STK39: variants seen among roughly 807,000 people sequenced by gnomAD.
The protein encoded by STK39 is STE20/SPS1-related proline-alanine-rich protein kinase.
Under a neutral mutation model 77.8 loss-of-function variants are expected in STK39, and 20 were observed. The observed-to-expected ratio is 0.26, with a 90% CI of 0.18 to 0.37. The LOEUF is 0.37. Ranked by LOEUF, STK39 falls within the 10% of genes least tolerant of loss-of-function variation. STK39 has a pLI of 1.00. For synonymous variants in STK39, 246 were observed against 234.1 expected (o/e 1.05, Z -0.47); for missense variants, 479 against 656.5 (o/e 0.73, Z 2.95).
At chr2:167,960,288 G>A (rs143884401) in intron 17 of STK39, among the ~76,000 whole-genome samples, 31 of 151,912 alleles carry the variant, frequency 2.0e-4, no homozygotes, top group Middle Eastern at 6.8e-3. Flanking sequence ...ATGAACCCTC[G>A]TCCCAGCCCC....
intron 14 of STK39, among the ~76,000 whole-genome samples, chr2:168,033,329 C>T (rs944443410): frequency 6.6e-6 from 1 of 152,112 alleles, no homozygotes; most frequent in Non-Finnish European, 1.5e-5. Context: ...GAGGAAATAT[C>T]GCATTAGGAC....
intron 1 of STK39, among the ~76,000 whole-genome samples, chr2:168,184,528 AACCC>A (rs67284354): frequency 0.44 from 66,099 of 151,658 alleles, 16,579 homozygotes; most frequent in East Asian, 0.77. Flanking sequence ...CATCAAGTCC[AACCC>A]ACCCCCTCAC....
At chr2:168,002,680 G>T (rs1391070612) in intron 16 of STK39, among the ~76,000 whole-genome samples, 1 of 152,198 alleles carries the variant, frequency 6.6e-6, no homozygotes, top group African/African-American at 2.4e-5. Context: ...TTTAAAAAAT[G>T]ATATTCTGTC....
At chr2:168,090,277 C>A (rs1369528179) in intron 10 of STK39, among the ~76,000 whole-genome samples, 1 of 146,470 alleles carries the variant, frequency 6.8e-6, no homozygotes, top group Non-Finnish European at 1.5e-5. Context: ...TAGTAGGGAC[C>A]AAAGATACAT....
intron 1 of STK39, among the ~76,000 whole-genome samples, chr2:168,204,463 C>G (rs1212017298): frequency 6.6e-6 from 1 of 152,216 alleles, no homozygotes; most frequent in Non-Finnish European, 1.5e-5. Flanking sequence ...AAGTTACAGA[C>G]GAGACCAACA....
At chr2:168,051,181 C>T (rs1157442510) in intron 14 of STK39, among the ~76,000 whole-genome samples, 2 of 152,140 alleles carry the variant, frequency 1.3e-5, no homozygotes, top group African/African-American at 2.4e-5. Flanking sequence ...TAAGAGACAA[C>T]CTTCCCTAAT....
chr2:168,066,929 G>T (rs1188513204), intron 12 of STK39, among the ~76,000 whole-genome samples: 1 of 152,240 alleles, frequency 6.6e-6, no homozygotes, highest in Non-Finnish European at 1.5e-5. Context: ...ATGTTGAAAT[G>T]TAATCCTCAG....
intron 5 of STK39, among the ~76,000 whole-genome samples, chr2:168,151,100 C>T (rs569160622): frequency 5.7e-4 from 87 of 151,700 alleles, no homozygotes; most frequent in Middle Eastern, 3.4e-3. Context: ...ACAGTATTTC[C>T]TGAGTCTAGG....
chr2:168,181,703 C>A (rs1296950273), intron 2 of STK39, among the ~76,000 whole-genome samples: 1 of 152,126 alleles, frequency 6.6e-6, no homozygotes, highest in Non-Finnish European at 1.5e-5. Flanking sequence ...GCCCTTGATA[C>A]AGCAAGTGGA....
chr2:167,999,841 G>C (rs777976015), intron 16 of STK39, among the ~76,000 whole-genome samples: 5 of 152,274 alleles, frequency 3.3e-5, no homozygotes, highest in South Asian at 2.1e-4. Flanking sequence ...GTGGTAGAAG[G>C]CTCCTCCCGC....
At chr2:168,103,056 C>T (rs1294080123) in intron 10 of STK39, among the ~76,000 whole-genome samples, 2 of 151,420 alleles carry the variant, frequency 1.3e-5, no homozygotes, top group Non-Finnish European at 2.9e-5. Flanking sequence ...GATGAGGCTA[C>T]ATCCCTGTCA....
At chr2:168,237,578 G>A (rs1690652957) in intron 1 of STK39, among the ~76,000 whole-genome samples, 1 of 152,064 alleles carries the variant, frequency 6.6e-6, no homozygotes, top group Non-Finnish European at 1.5e-5. Context: ...ATTGGCTGTG[G>A]GTCTGTCATA....
At chr2:167,996,063 G>A (rs1021076339) in intron 16 of STK39, among the ~76,000 whole-genome samples, 3 of 151,224 alleles carry the variant, frequency 2.0e-5, no homozygotes, top group African/African-American at 4.9e-5. Flanking sequence ...CTGTTAATAT[G>A]TACAGAAGAA....
intron 16 of STK39, among the ~76,000 whole-genome samples, chr2:167,997,347 A>G (rs1231372627): frequency 6.6e-6 from 1 of 152,076 alleles, no homozygotes; most frequent in Non-Finnish European, 1.5e-5. Flanking sequence ...TATTTTGTAA[A>G]AGAAGCTTGA....
chr2:168,140,450 G>A, intron 6 of STK39, 60 bp from the exon 7 acceptor site: 2 of 1,435,746 alleles, frequency 1.4e-6, no homozygotes, highest in South Asian at 1.1e-5. Flanking sequence ...ACATCATCAA[G>A]TCCATGTCAT....
At chr2:168,163,543 G>A (rs1417852981) in intron 4 of STK39, 196 bp downstream of exon 4, 12 of 953,970 alleles carry the variant, frequency 1.3e-5, no homozygotes, top group Non-Finnish European at 1.4e-5. Context: ...TTAAAGTAAT[G>A]TCAATACCTG....
At chr2:168,037,423 C>G (rs943392426) in intron 14 of STK39, among the ~76,000 whole-genome samples, 1 of 152,068 alleles carries the variant, frequency 6.6e-6, no homozygotes, top group African/African-American at 2.4e-5. Flanking sequence ...TTATACCTAC[C>G]CATTGACCTA....
chr2:168,221,229 CA>C (rs1002863548), intron 1 of STK39, among the ~76,000 whole-genome samples: 1 of 152,034 alleles, frequency 6.6e-6, no homozygotes, highest in African/African-American at 2.4e-5. Flanking sequence ...CTGGGTACAA[CA>C]AAAAAACCAT....
intron 16 of STK39, among the ~76,000 whole-genome samples, chr2:168,001,117 T>C (rs1683988516): frequency 6.6e-6 from 1 of 152,132 alleles, no homozygotes; most frequent in African/African-American, 2.4e-5. Context: ...ACACAGAATC[T>C]GGCAAGAAAA....
Sources: gnomAD v4.1 joint callset for allele counts (sites outside exome capture counted in the v4.1 genomes callset) on GRCh38, gnomAD v4.1.1 for gene constraint, MANE v1.5 for transcripts, NCBI Gene and HGNC (gene_info 2026-07-23, HGNC 2026-07-21) for gene names.